Variants in INPP4B observed in about 807,000 individuals in gnomAD.
INPP4B encodes inositol polyphosphate 4-phosphatase type II.
A neutral mutation model predicts 122.5 loss-of-function variants in INPP4B; 55 were observed. That is an observed-to-expected ratio of 0.45 (90% CI 0.36 to 0.56). INPP4B has a LOEUF of 0.56. INPP4B is among the 20% of genes least tolerant of loss of function. The pLI is 0.00. For missense variants in INPP4B, 1,000 were observed against 1,097.7 expected (o/e 0.91, Z 1.26); for synonymous variants, 403 against 388.7 (o/e 1.04, Z -0.43).
intron 12 of INPP4B, among the ~76,000 whole-genome samples, chr4:142,236,818 C>T (rs1334021277): frequency 1.3e-5 from 2 of 152,092 alleles, no homozygotes; most frequent in African/African-American, 2.4e-5. Context: ...GAGTAAAATA[C>T]TATTAAATAA....
intron 7 of INPP4B, among the ~76,000 whole-genome samples, chr4:142,323,059 A>G (rs547414193): frequency 6.6e-6 from 1 of 152,346 alleles, no homozygotes; most frequent in East Asian, 1.9e-4. Context: ...CAAGCCATCA[A>G]ATATGGTTCC....
chr4:142,299,247 C>G (rs67815203), intron 9 of INPP4B, among the ~76,000 whole-genome samples: 18,410 of 150,050 alleles, frequency 0.12, 2,341 homozygotes, highest in African/African-American at 0.32. Flanking sequence ...CAACTTCACC[C>G]TCCTGGGCTC....
At chr4:142,525,727 C>A (rs1826819598) in intron 2 of INPP4B, among the ~76,000 whole-genome samples, 1 of 130,436 alleles carries the variant, frequency 7.7e-6, no homozygotes, top group Non-Finnish European at 1.6e-5. Context: ...ACACCTTATA[C>A]AAAAATCAAT....
intron 25 of INPP4B, among the ~76,000 whole-genome samples, chr4:142,079,666 AT>A (rs1362886383): frequency 1.3e-5 from 2 of 152,088 alleles, no homozygotes; most frequent in African/African-American, 2.4e-5. Context: ...ATGCATTAGC[AT>A]CAAAAATGTT....
intron 1 of INPP4B, among the ~76,000 whole-genome samples, chr4:142,776,806 C>T (rs1773987644): frequency 6.6e-6 from 1 of 152,064 alleles, no homozygotes; most frequent in African/African-American, 2.4e-5. Flanking sequence ...GGATCTATCC[C>T]AGTGTAGAGT....
chr4:142,573,121 T>C (rs952408662), intron 2 of INPP4B, among the ~76,000 whole-genome samples: 1 of 151,846 alleles, frequency 6.6e-6, no homozygotes, highest in East Asian at 1.9e-4. Context: ...CATCTTACCA[T>C]GGTGGAGCAG....
intron 1 of INPP4B, among the ~76,000 whole-genome samples, chr4:142,785,570 G>T (rs540802512): frequency 6.6e-6 from 1 of 152,040 alleles, no homozygotes; most frequent in African/African-American, 2.4e-5. Flanking sequence ...AAGTAGACTG[G>T]CATGGTTGTG....
chr4:142,307,315 T>C (rs1347161958), intron 8 of INPP4B, among the ~76,000 whole-genome samples: 2 of 152,092 alleles, frequency 1.3e-5, no homozygotes, highest in Non-Finnish European at 2.9e-5. Context: ...ACTCCTCTAT[T>C]CTCTATTCCT....
At chr4:142,221,114 A>G (rs1444511679) in intron 12 of INPP4B, among the ~76,000 whole-genome samples, 2 of 152,052 alleles carry the variant, frequency 1.3e-5, no homozygotes, top group African/African-American at 2.4e-5. Context: ...ATGTAACACA[A>G]TCCGGCTGGG....
chr4:142,714,903 A>G (rs938598780), intron 2 of INPP4B, among the ~76,000 whole-genome samples: 5 of 152,354 alleles, frequency 3.3e-5, no homozygotes, highest in South Asian at 2.1e-4. Flanking sequence ...ACTGAAAAAC[A>G]GAAACTAATG....
chr4:142,712,059 C>G, intron 2 of INPP4B, among the ~76,000 whole-genome samples: 1 of 151,968 alleles, frequency 6.6e-6, no homozygotes, highest in Non-Finnish European at 1.5e-5. Context: ...AAAATAATAA[C>G]AATAAATAAA....
chr4:142,122,557 T>C (rs1446363676), intron 20 of INPP4B, among the ~76,000 whole-genome samples: 2 of 152,096 alleles, frequency 1.3e-5, no homozygotes, highest in Non-Finnish European at 1.5e-5. Context: ...AGGACTGATA[T>C]CTGTTGTCTA....
intron 2 of INPP4B, among the ~76,000 whole-genome samples, chr4:142,565,497 T>G (rs980893218): frequency 2.1e-4 from 32 of 152,270 alleles, no homozygotes; most frequent in African/African-American, 6.7e-4. Context: ...AATGAATAAG[T>G]AAAGGAGAAA....
At chr4:142,626,112 CA>C (rs796861321) in intron 2 of INPP4B, among the ~76,000 whole-genome samples, 6 of 152,256 alleles carry the variant, frequency 3.9e-5, no homozygotes, top group African/African-American at 1.4e-4. Context: ...GCAATGGCAA[CA>C]GAAGCCAAAA....
At chr4:142,259,605 TAA>T (rs1738639898) in intron 11 of INPP4B, among the ~76,000 whole-genome samples, 1 of 151,296 alleles carries the variant, frequency 6.6e-6, no homozygotes, top group Non-Finnish European at 1.5e-5. Flanking sequence ...ATAATAATAA[TAA>T]TAAATTAACC....
chr4:142,479,229 A>C (rs1213544324), intron 2 of INPP4B, among the ~76,000 whole-genome samples: 1 of 152,154 alleles, frequency 6.6e-6, no homozygotes, highest in Non-Finnish European at 1.5e-5. Flanking sequence ...CCACATCATT[A>C]ATTGTTAGAA....
intron 5 of INPP4B, among the ~76,000 whole-genome samples, chr4:142,412,395 G>A (rs375559188): frequency 2.0e-5 from 3 of 151,740 alleles, no homozygotes; most frequent in East Asian, 3.9e-4. Context: ...ATTTTCTGAA[G>A]CCTAGGATGT....
At chr4:142,588,040 C>T (rs1332385007) in intron 2 of INPP4B, among the ~76,000 whole-genome samples, 4 of 151,752 alleles carry the variant, frequency 2.6e-5, no homozygotes, top group Admixed American at 2.6e-4. Flanking sequence ...AATTCACTAC[C>T]TGAACAGGCA....
chr4:142,632,846 T>C (rs1249601679), intron 2 of INPP4B, among the ~76,000 whole-genome samples: 2 of 151,498 alleles, frequency 1.3e-5, no homozygotes, highest in African/African-American at 4.8e-5. Flanking sequence ...ACTTTCAACT[T>C]GATAAAAAAT....
Sources: allele counts gnomAD v4.1 joint callset (sites outside exome capture counted in the v4.1 genomes callset), GRCh38; gene constraint gnomAD v4.1.1; transcripts MANE v1.5; gene names NCBI Gene and HGNC (gene_info 2026-07-23, HGNC 2026-07-21).